The following LOC128125817 variants were observed in gnomAD, a reference collection of about 807,000 sequenced individuals.
chr1:41,606,459 A>T, the LOC128125817 span, among the ~76,000 whole-genome samples: 2 of 151,954 alleles, frequency 1.3e-5, no homozygotes, highest in Non-Finnish European at 2.9e-5. Context: ...CTAAAAAGTG[A>T]AGCTAGTTAA....
chr1:41,618,842 T>A, the LOC128125817 span, among the ~76,000 whole-genome samples: 2 of 152,178 alleles, frequency 1.3e-5, no homozygotes, highest in African/African-American at 4.8e-5. Context: ...CAGAACTCTT[T>A]CTCTTATACC....
At chr1:41,612,499 A>G in the LOC128125817 span, among the ~76,000 whole-genome samples, 1 of 152,212 alleles carries the variant, frequency 6.6e-6, no homozygotes. Context: ...TCCTCAAAAC[A>G]GCCCTCTGGG....
chr1:41,618,305 A>C, the LOC128125817 span, among the ~76,000 whole-genome samples: 3 of 152,054 alleles, frequency 2.0e-5, no homozygotes, highest in African/African-American at 7.2e-5. Context: ...CAGGAGGTTA[A>C]CTCTCCCCAG....
the LOC128125817 span, among the ~76,000 whole-genome samples, chr1:41,617,062 C>T: frequency 1.3e-5 from 2 of 152,186 alleles, no homozygotes; most frequent in Non-Finnish European, 2.9e-5. Flanking sequence ...GTGCTCCTAA[C>T]CACTCTACCG....
At chr1:41,615,280 C>G in the LOC128125817 span, among the ~76,000 whole-genome samples, 4 of 152,140 alleles carry the variant, frequency 2.6e-5, no homozygotes, top group Non-Finnish European at 5.9e-5. Flanking sequence ...CATGTTCTCC[C>G]AAAATCAGCT....
At chr1:41,597,723 A>C in the LOC128125817 span, among the ~76,000 whole-genome samples, 2 of 152,176 alleles carry the variant, frequency 1.3e-5, no homozygotes, top group Non-Finnish European at 2.9e-5. Context: ...CAGGTAACCA[A>C]ACACTGTTTT....
the LOC128125817 span, among the ~76,000 whole-genome samples, chr1:41,610,786 C>G: frequency 6.6e-6 from 1 of 152,186 alleles, no homozygotes; most frequent in Non-Finnish European, 1.5e-5. Flanking sequence ...ATCTGACCTC[C>G]AGATCTTCCT....
the LOC128125817 span, among the ~76,000 whole-genome samples, chr1:41,599,841 C>T: frequency 6.6e-6 from 1 of 152,222 alleles, no homozygotes; most frequent in African/African-American, 2.4e-5. Context: ...AAGGGATTAA[C>T]ATGCAGAACT....
the LOC128125817 span, among the ~76,000 whole-genome samples, chr1:41,614,532 T>C: frequency 6.6e-6 from 1 of 152,248 alleles, no homozygotes; most frequent in African/African-American, 2.4e-5. Context: ...GCTTTGGTCA[T>C]GTACAGTTTG....
the LOC128125817 span, among the ~76,000 whole-genome samples, chr1:41,593,830 TA>T: frequency 7.9e-5 from 12 of 152,242 alleles, no homozygotes; most frequent in Non-Finnish European, 1.6e-4. Context: ...CTCACTCGGC[TA>T]AAAGCAAGGT....
chr1:41,619,404 C>T, the LOC128125817 span, among the ~76,000 whole-genome samples: 1 of 152,166 alleles, frequency 6.6e-6, no homozygotes, highest in African/African-American at 2.4e-5. Context: ...ATTTTACATA[C>T]ACTTATGTTT....
chr1:41,625,006 A>G, the LOC128125817 span, among the ~76,000 whole-genome samples: 1 of 152,092 alleles, frequency 6.6e-6, no homozygotes. Context: ...TCTAATAAAA[A>G]TACAAAAATT....
At chr1:41,604,072 G>A in the LOC128125817 span, among the ~76,000 whole-genome samples, 2 of 152,240 alleles carry the variant, frequency 1.3e-5, no homozygotes, top group African/African-American at 4.8e-5. Context: ...AACTCTTCTT[G>A]TGCATTGTTA....
At chr1:41,605,165 G>A in the LOC128125817 span, among the ~76,000 whole-genome samples, 2 of 131,762 alleles carry the variant, frequency 1.5e-5, no homozygotes, top group East Asian at 2.2e-4. Flanking sequence ...GGGGTGGAGA[G>A]GGGAGGGGAG....
the LOC128125817 span, among the ~76,000 whole-genome samples, chr1:41,597,448 A>G: frequency 6.6e-6 from 1 of 152,216 alleles, no homozygotes; most frequent in East Asian, 1.9e-4. Flanking sequence ...GAGCAAATGA[A>G]CTCTGACTAT....
the LOC128125817 span, among the ~76,000 whole-genome samples, chr1:41,605,970 A>AT: frequency 6.6e-6 from 1 of 152,346 alleles, no homozygotes; most frequent in South Asian, 2.1e-4. Context: ...ATGTGTTAGG[A>AT]TGGCAGCAAG....
the LOC128125817 span, among the ~76,000 whole-genome samples, chr1:41,588,561 C>G: frequency 6.6e-6 from 1 of 151,972 alleles, no homozygotes. Flanking sequence ...AGTCAGATGA[C>G]TGCTGCATCA....
the LOC128125817 span, among the ~76,000 whole-genome samples, chr1:41,596,641 T>C: frequency 6.6e-6 from 1 of 152,352 alleles, no homozygotes; most frequent in Non-Finnish European, 1.5e-5. Flanking sequence ...ACTGACCACC[T>C]ACCATGCCCA....
At chr1:41,589,951 G>A in the LOC128125817 span, among the ~76,000 whole-genome samples, 1 of 152,168 alleles carries the variant, frequency 6.6e-6, no homozygotes, top group African/African-American at 2.4e-5. Flanking sequence ...AGGGCACAAG[G>A]CCACAGGCTG....
Sources: gnomAD v4.1 joint callset for allele counts (sites outside exome capture counted in the v4.1 genomes callset) on GRCh38, gnomAD v4.1.1 for gene constraint, MANE v1.5 for transcripts.